The following ZMYM5 variants were observed in gnomAD, a reference collection of about 807,000 sequenced individuals.
The protein encoded by ZMYM5 is zinc finger MYM-type protein 5.
A neutral mutation model predicts 61.8 loss-of-function variants in ZMYM5; 41 were observed. That is an observed-to-expected ratio of 0.66 (90% CI 0.52 to 0.86). The LOEUF is 0.86. ZMYM5 is among the 40% of genes least tolerant of loss of function. The pLI is 0.00. For missense variants in ZMYM5, 706 were observed against 786.7 expected, an observed-to-expected ratio of 0.90 and a Z score of 1.23; for synonymous variants, 257 against 276.4, an observed-to-expected ratio of 0.93 and a Z score of 0.70.
chr13:19,858,499 T>C (rs766307037), intron 2 of ZMYM5, among the ~76,000 whole-genome samples: 1 of 147,942 alleles, frequency 6.8e-6, no homozygotes, highest in Non-Finnish European at 1.5e-5. Context: ...GCAGGCAGCT[T>C]GTTTGAGCCT....
chr13:19,851,696 C>T lies in ZMYM5; in HGVS notation c.485G>A (p.Arg162Lys). 2.5e-6 allele frequency: 4 copies of T among 1,568,662 alleles called. No homozygotes were observed. Among genetic ancestry groups the T allele is most frequent in the South Asian group, 2.5e-5 (2 of 81,014 alleles). ...DLDFSTSSLS[R>K]SKTKTGVRPF... ...ACCCATTCCTGCATTTACCTTACTT[C>T]TTGAAAGACTGGAAGTGGAGAAATC... The change falls in exon 3 of 8, where the codon AGA (arginine) becomes AAA (lysine). Residue 162 changes from arginine (R) to lysine (K), a missense_variant. Around this residue, in one of 2 missense-constraint regions of ZMYM5, gnomAD observed 480 missense variants for 461.7 expected, o/e 1.04. Transcript: ENST00000337963.
At chr13:19,837,920 T>A in intron 5 of ZMYM5, 99 bp from the exon 6 acceptor site, 1 of 1,328,910 alleles carries the variant, frequency 7.5e-7, no homozygotes, top group Non-Finnish European at 1.0e-6. Context: ...TCTTATGATT[T>A]AATACTAGAA....
In ZMYM5 at chr13:19,840,220, T is replaced by C. The variant is rs185108853; in HGVS notation, c.587-1235A>G. ...TGGGAGGCTAAGGCGGGAGGATCAC[T>C]TGAGGCCAGAGGTTTAAGACTCAGC... On this transcript the variant is annotated intron_variant, in intron 4 of 7. Coordinates refer to ENST00000337963, the MANE Select transcript of ZMYM5 (RefSeq NM_001142684.2). Among the ~76,000 whole-genome samples, 514 of 152,298 alleles carry C rather than the reference T, an allele frequency of 3.4e-3. 5 individuals are homozygous for C. Among genetic ancestry groups the C allele is most frequent in the African/African-American group, 0.012 (490 of 41,568 alleles).
intron 4 of ZMYM5, among the ~76,000 whole-genome samples, chr13:19,840,384 C>T (rs773095462): frequency 1.3e-5 from 2 of 152,130 alleles, no homozygotes; most frequent in African/African-American, 2.4e-5. Context: ...TGGTGGCGCT[C>T]GCTTGCAGTC....
intron 2 of ZMYM5, among the ~76,000 whole-genome samples, chr13:19,860,472 A>AT (rs746530825): frequency 1.3e-3 from 154 of 118,246 alleles, no homozygotes; most frequent in South Asian, 2.7e-3. Flanking sequence ...GTGTGTGTGT[A>AT]TTTTTTTTTT....
intron 4 of ZMYM5, among the ~76,000 whole-genome samples, chr13:19,845,387 T>G (rs531292864): frequency 1.3e-5 from 2 of 152,226 alleles, no homozygotes; most frequent in African/African-American, 2.4e-5. Context: ...GCAATGGCAC[T>G]AAACCGTACT....
At chr13:19,863,412 C>A (rs183383535) in intron 1 of ZMYM5, 38 bp downstream of exon 1, 1 of 152,030 alleles carries the variant, frequency 6.6e-6, no homozygotes, top group Non-Finnish European at 1.5e-5. Flanking sequence ...TGGGAGCCTC[C>A]GGAGGCTGCT....
At chr13:19,852,282 T>G (rs1002083689) in intron 2 of ZMYM5, 92 bp from the exon 3 acceptor site, 7 of 1,358,814 alleles carry the variant, frequency 5.2e-6, no homozygotes, top group Admixed American at 5.3e-5. Context: ...TTTTTCAAAT[T>G]ATTTTTTGTG....
At chr13:19,842,781 G>A (rs1284500498) in intron 4 of ZMYM5, among the ~76,000 whole-genome samples, 4 of 151,432 alleles carry the variant, frequency 2.6e-5, no homozygotes, top group Non-Finnish European at 5.9e-5. Context: ...CCAACATGGC[G>A]AAACCCCATC....
At chr13:19,843,178 T>C (rs184960554) in intron 4 of ZMYM5, among the ~76,000 whole-genome samples, 1 of 148,492 alleles carries the variant, frequency 6.7e-6, no homozygotes, top group South Asian at 2.1e-4. Flanking sequence ...GAGGCTGGAG[T>C]GTGATCTTGG....
chr13:19,858,732 T>C (rs1173744060), intron 2 of ZMYM5, among the ~76,000 whole-genome samples: 1 of 151,856 alleles, frequency 6.6e-6, no homozygotes. Context: ...AAAGAACAGA[T>C]GGATGAATGG....
intron 4 of ZMYM5, among the ~76,000 whole-genome samples, 188 bp from the exon 5 acceptor site, chr13:19,839,173 C>T (rs1952776321): frequency 6.6e-6 from 1 of 152,146 alleles, no homozygotes; most frequent in African/African-American, 2.4e-5. Context: ...GAATGATACT[C>T]CACTGTGCCA....
At chr13:19,858,585 CAAAAAAAAAA>C (rs34468029) in intron 2 of ZMYM5, among the ~76,000 whole-genome samples, 4 of 85,314 alleles carry the variant, frequency 4.7e-5, no homozygotes, top group Non-Finnish European at 6.2e-5. Context: ...GACGCTGTTT[CAAAAAAAAAA>C]AAAAAAAAAA....
chr13:19,828,068 A>G (rs1891008617), intron 7 of ZMYM5, among the ~76,000 whole-genome samples: 1 of 149,872 alleles, frequency 6.7e-6, no homozygotes, highest in African/African-American at 2.4e-5. Flanking sequence ...ATGGCATCCT[A>G]TTAGCTATAC....
rs1952650351 is a variant in ZMYM5, at chr13:19,835,620, T to C, written c.1108A>G (p.Arg370Gly). The C allele has an allele frequency of 7.3e-7, 1 of 1,367,580 alleles. No homozygotes were observed. The highest frequency in any genetic ancestry group is 1.5e-5 in the African/African-American group (1 of 67,756). 84.7% of individuals were successfully genotyped at this position (1,367,580 alleles called of 1,614,324 possible). ...TTCATTATTAGACCATTGGCCAATC[T>C]GTACTTATTAAAGCAATGGTTACTG... ...LCSNHCFNKY[R>G]LANGLIMNCC... The change falls in exon 7 of 8, where the codon AGA (arginine) becomes GGA (glycine). Residue 370 changes from arginine (R) to glycine (G), a missense_variant. By Grantham distance (125) the Arg-to-Gly change is moderately radical. Around this residue, in one of 2 missense-constraint regions of ZMYM5, gnomAD observed 480 missense variants for 461.7 expected, o/e 1.04. Coordinates refer to ENST00000337963, the MANE Select transcript of ZMYM5 (RefSeq NM_001142684.2).
intron 2 of ZMYM5, among the ~76,000 whole-genome samples, chr13:19,855,633 T>C (rs1240899442): frequency 6.6e-6 from 1 of 152,108 alleles, no homozygotes; most frequent in Non-Finnish European, 1.5e-5. Context: ...GCATACTCTT[T>C]ATACTCAGTT....
In ZMYM5 at chr13:19,838,999, CAAG is replaced by C; in HGVS notation, c.587-17_587-15del. 2 of 1,591,408 alleles carry C rather than the reference CAAG, an allele frequency of 1.3e-6. No individual in the cohort carries two copies. Among genetic ancestry groups the C allele is most frequent in the Non-Finnish European group, 1.7e-6 (2 of 1,171,440 alleles). On this transcript the variant is annotated splice_polypyrimidine_tract_variant and intron_variant, in intron 4 of 7. Coordinates refer to ENST00000337963, the MANE Select transcript of ZMYM5 (RefSeq NM_001142684.2). ...AGATCCAAGAATCTTAAAAATGAAACAAGAAAAAAATCATGGAACAAATCAAAA... is the reference window on the plus strand; with the variant it reads ...AGATCCAAGAATCTTAAAAATGAAACAAAAAAATCATGGAACAAATCAAAA...
intron 7 of ZMYM5, among the ~76,000 whole-genome samples, chr13:19,834,928 A>C (rs980532219): frequency 6.6e-6 from 1 of 150,798 alleles, no homozygotes; most frequent in African/African-American, 2.4e-5. Context: ...GCCCCAAGTG[A>C]TCTGCCTGCC....
intron 4 of ZMYM5, among the ~76,000 whole-genome samples, chr13:19,846,561 AG>A (rs1201219433): frequency 2.0e-5 from 3 of 152,098 alleles, no homozygotes; most frequent in Admixed American, 1.3e-4. Context: ...CAAAAAAAAA[AG>A]GCGAATTTTT....
Sources: allele counts gnomAD v4.1 joint callset (sites outside exome capture counted in the v4.1 genomes callset), GRCh38; gene constraint gnomAD v4.1.1; regional missense constraint gnomAD v4.1.1; transcripts MANE v1.5; gene names NCBI Gene and HGNC (gene_info 2026-07-23, HGNC 2026-07-21).